The following CARS2 variants were observed in gnomAD, a reference collection of about 807,000 sequenced individuals.
CARS2 encodes probable cysteine--tRNA ligase, mitochondrial.
Under a neutral mutation model 68.8 loss-of-function variants are expected in CARS2, and 52 were observed. The observed-to-expected ratio is 0.76, with a 90% confidence interval of 0.61 to 0.95. The LOEUF (loss-of-function observed/expected upper bound fraction) is 0.95, where lower values mean the gene tolerates loss of function less well. Ranked by LOEUF, CARS2 falls within the 40% of genes least tolerant of loss-of-function variation. CARS2 has a pLI of 0.00. For synonymous variants in CARS2, 314 were observed against 303.6 expected (o/e 1.03, Z -0.36); for missense variants, 780 against 754.2 (o/e 1.03, Z -0.40).
Position 110,705,547 on chromosome 13 carries a change from A to G in CARS2, c.249T>C (p.Tyr83=), listed in dbSNP as rs778581544. The G allele has an allele frequency of 6.2e-7, 1 of 1,613,358 alleles. No homozygotes were observed. The highest frequency in any genetic ancestry group is 8.5e-7 in the Non-Finnish European group (1 of 1,179,434). The change falls in exon 2 of 15, where the codon TAT becomes TAC. Residue 83 remains tyrosine (Y), a synonymous_variant. Transcript: ENST00000257347. This position sits in a 1 kb window ranked among gnomAD's most constrained non-coding sequence, Gnocchi z 4.0. ...ASWYSCGPTV[Y]DHAHLGHACS... Reference sequence around the variant, plus strand: ...AAGCATGGCCAAGGTGCGCATGATCATATACAGTTGGTCCACAGCTATACC... The same window carrying G: ...AAGCATGGCCAAGGTGCGCATGATCGTATACAGTTGGTCCACAGCTATACC...
At chr13:110,641,635 C>T in intron 14 of CARS2, 27 bp from the exon 15 acceptor site, 2 of 1,572,712 alleles carry the variant, frequency 1.3e-6, no homozygotes, top group Non-Finnish European at 8.7e-7. Context: ...AGGTCCAACT[C>T]TGAGCAGACA....
intron 11 of CARS2, chr13:110,646,408 G>A (rs1317892467): frequency 1.4e-5 from 3 of 210,944 alleles, no homozygotes; most frequent in East Asian, 1.3e-4. Context: ...GACTCGGTGG[G>A]GGAGAGACGG....
At chr13:110,643,070 AAC>A (rs1887621350) in intron 13 of CARS2, 3 of 291,308 alleles carry the variant, frequency 1.0e-5, no homozygotes, top group South Asian at 9.1e-5. Flanking sequence ...TAAAATAAGA[AAC>A]AGACACAACA....
chr13:110,676,186 G>T lies in CARS2; in HGVS notation c.785+788C>A, dbSNP rs529532332. ...AAAAAACAGGAACATGAAACTAACT[G>T]TGGCGAGCCCCATGGGCAGCTGTGC... On this transcript the variant is annotated intron_variant, in intron 7 of 14. Coordinates refer to ENST00000257347, the MANE Select transcript of CARS2 (RefSeq NM_024537.4). The surrounding 1 kb of genome is among the most constrained non-coding windows in gnomAD (Gnocchi z 4.0). Among the ~76,000 whole-genome samples the T allele has an allele frequency of 1.3e-5, 2 of 152,322 alleles. No homozygotes were observed. The highest frequency in any genetic ancestry group is 4.8e-5 in the African/African-American group (2 of 41,586).
At chr13:110,677,242 CCAGA>C (rs1286574005) in intron 6 of CARS2, 139 bp from the exon 7 acceptor site, 15 of 552,146 alleles carry the variant, frequency 2.7e-5, no homozygotes, top group Admixed American at 9.6e-5. Flanking sequence ...ACATGGAAAC[CCAGA>C]CAGTCACCCC....
intron 13 of CARS2, 22 bp downstream of exon 13, chr13:110,644,363 C>T: frequency 6.2e-7 from 1 of 1,600,390 alleles, no homozygotes; most frequent in Non-Finnish European, 8.6e-7. Context: ...CAGAATTAAG[C>T]ATTTAAAATA....
At chr13:110,644,130 A>G (rs956915584) in intron 13 of CARS2, 1 of 1,394,896 alleles carries the variant, frequency 7.2e-7, no homozygotes, top group Non-Finnish European at 9.5e-7. Flanking sequence ...AGCTGGCGAC[A>G]TTCTGTTGCT....
chr13:110,685,000 A>G (rs2063258411), intron 5 of CARS2, among the ~76,000 whole-genome samples: 1 of 152,192 alleles, frequency 6.6e-6, no homozygotes, highest in Non-Finnish European at 1.5e-5. Context: ...CACAGTAACA[A>G]AACAACAAAC....
intron 10 of CARS2, chr13:110,648,702 G>A (rs982146546): frequency 6.6e-6 from 1 of 152,202 alleles, no homozygotes; most frequent in Non-Finnish European, 1.5e-5. Context: ...ATCCCTCACT[G>A]GCAGATCGGT....
At chr13:110,687,013 C>CG (rs915574178) in intron 5 of CARS2, among the ~76,000 whole-genome samples, 2 of 152,070 alleles carry the variant, frequency 1.3e-5, no homozygotes, top group African/African-American at 4.8e-5. Context: ...GCCAAACAGA[C>CG]GGGGGTGACC....
Position 110,641,605 on chromosome 13 carries a change from T to G in CARS2, c.1627A>C (p.Arg543=), listed in dbSNP as rs1887298440. 1 of 1,613,304 alleles carries G rather than the reference T, an allele frequency of 6.2e-7. No homozygotes were observed. The highest frequency in any genetic ancestry group is 1.3e-5 in the African/African-American group (1 of 74,926). The change falls in exon 15 of 15, where the codon AGA becomes CGA. Residue 543 remains arginine (R), a synonymous_variant. Coordinates refer to ENST00000257347, the MANE Select transcript of CARS2 (RefSeq NM_024537.4). ...TCCCACGTGGATGTTGTACTGCTTC[T>G]GTCCTGGAGAAGAAGAGTGAGGTCC... The part of the protein sequence containing the change: ...LTAHGINIKD[R]SSTTSTWELL...
At position 110,705,402 on chromosome 13, in the gene CARS2, G is replaced by C. The variant is rs1214962296; in HGVS notation, c.275+119C>G. On this transcript the variant is annotated intron_variant, in intron 2 of 14. Transcript: ENST00000257347. This position sits in a 1 kb window ranked among gnomAD's most constrained non-coding sequence, Gnocchi z 4.0. ...GTTGTAACATTTCCCACAATGCCTGGAATGTAGGAATTATTCTGCATCCCT... is the reference window on the plus strand; with the variant it reads ...GTTGTAACATTTCCCACAATGCCTGCAATGTAGGAATTATTCTGCATCCCT... 1.0e-5 allele frequency: 7 copies of C among 686,016 alleles called. No homozygotes were observed. Among genetic ancestry groups the C allele is most frequent in the African/African-American group, 1.8e-5 (1 of 54,696 alleles). The allele number at this position is 686,016 out of a possible 1,614,324, so 42.5% of individuals were successfully genotyped here. A position where few individuals can be genotyped will look rare whatever the true frequency, so the allele number is the denominator to read the frequency against.
chr13:110,703,936 A>C (rs1484569290), intron 2 of CARS2, among the ~76,000 whole-genome samples: 1 of 152,252 alleles, frequency 6.6e-6, no homozygotes, highest in Non-Finnish European at 1.5e-5. Context: ...TGACAAAGTC[A>C]TGGAGGCAGA....
intron 7 of CARS2, among the ~76,000 whole-genome samples, chr13:110,673,817 A>G (rs2062869408): frequency 6.6e-6 from 1 of 152,086 alleles, no homozygotes; most frequent in African/African-American, 2.4e-5. Flanking sequence ...AGAAAACCCC[A>G]TCATCTCAGC....
At chr13:110,707,968 C>T (rs1291384354), upstream of CARS2, among the ~76,000 whole-genome samples, 1 of 152,210 alleles carries the variant, frequency 6.6e-6, no homozygotes, top group Non-Finnish European at 1.5e-5. Context: ...TACATCAATG[C>T]TAACCACTCA....
chr13:110,711,955 A>T (rs1050656434), intron 1 of CARS2, among the ~76,000 whole-genome samples: 2 of 152,252 alleles, frequency 1.3e-5, no homozygotes, highest in African/African-American at 4.8e-5. Flanking sequence ...AAATCCAAAG[A>T]GTTTTAGATG....
At position 110,668,269 on chromosome 13, in the gene CARS2, C is replaced by T. The variant is rs72661680; in HGVS notation, c.786-796G>A. ...CTAAGACTTTTACATCTTAGCCGGG[C>T]GCGGTGGCTCACGCCTGTAAACACA... On this transcript the variant is annotated intron_variant, in intron 7 of 14. Transcript: ENST00000257347. The surrounding 1 kb of genome is among the most constrained non-coding windows in gnomAD (Gnocchi z 4.1). Among the ~76,000 whole-genome samples, 13,086 of 152,166 alleles carry T rather than the reference C, an allele frequency of 0.086. 672 individuals carry two copies. The highest frequency in any genetic ancestry group is 0.17 in the Middle Eastern group (50 of 294).
intron 7 of CARS2, 151 bp from the exon 8 acceptor site, chr13:110,667,624 A>C (rs1037388798): frequency 1.6e-6 from 1 of 631,716 alleles, no homozygotes; most frequent in Non-Finnish European, 2.5e-6. Context: ...AACTGATTCA[A>C]ATGAAAACTG....
chr13:110,700,164 T>C (rs1316216667), intron 3 of CARS2, among the ~76,000 whole-genome samples: 7 of 152,100 alleles, frequency 4.6e-5, no homozygotes, highest in Admixed American at 2.0e-4. Context: ...TGAACCTGAG[T>C]GGAGGGCCAC....
Sources: gnomAD v4.1 joint callset for allele counts (sites outside exome capture counted in the v4.1 genomes callset) on GRCh38, gnomAD v4.1.1 for gene constraint, Gnocchi (gnomAD v3.1) non-coding constraint, MANE v1.5 for transcripts, NCBI Gene and HGNC (gene_info 2026-07-23, HGNC 2026-07-21) for gene names.